RORB: variants seen among roughly 807,000 people sequenced by gnomAD.
The protein encoded by RORB is nuclear receptor ROR-beta.
RORB carries 6 observed loss-of-function variants against 59.1 expected under a neutral mutation model. The ratio of observed to expected loss-of-function variants is 0.10; its 90% confidence interval spans 0.06 to 0.20. RORB has a LOEUF of 0.20. Ranked by LOEUF, RORB falls within the 10% of genes least tolerant of loss-of-function variation. The probability of loss-of-function intolerance (pLI) is 1.00; values close to 1 mark genes in which losing one functional copy is unlikely to be tolerated. For synonymous variants in RORB, 215 were observed against 204.5 expected (o/e 1.05, Z -0.44); for missense variants, 320 against 560.5 (o/e 0.57, Z 4.33).
At chr9:74,504,531 A>G (rs1305333931) in intron 1 of RORB, among the ~76,000 whole-genome samples, 1 of 152,054 alleles carries the variant, frequency 6.6e-6, no homozygotes, top group Non-Finnish European at 1.5e-5. Context: ...AAGCATGTTC[A>G]CCTCTGGGTA....
At chr9:74,529,854 C>A (rs968619882) in intron 1 of RORB, among the ~76,000 whole-genome samples, 3 of 151,674 alleles carry the variant, frequency 2.0e-5, no homozygotes, top group East Asian at 1.9e-4. Context: ...CAGAAATCAC[C>A]GCTGAAGGAC....
At chr9:74,598,414 C>A (rs1484432227) in intron 1 of RORB, among the ~76,000 whole-genome samples, 1 of 152,206 alleles carries the variant, frequency 6.6e-6, no homozygotes, top group Non-Finnish European at 1.5e-5. Context: ...ATAATTGAAT[C>A]TCCTTAAGCT....
intron 1 of RORB, among the ~76,000 whole-genome samples, chr9:74,575,348 A>C (rs752837834): frequency 1.3e-5 from 2 of 152,026 alleles, no homozygotes; most frequent in East Asian, 3.9e-4. Flanking sequence ...AGGGCTTTGC[A>C]TTTGCTTAGC....
intron 1 of RORB, among the ~76,000 whole-genome samples, chr9:74,544,291 C>T (rs1353842075): frequency 1.3e-5 from 2 of 152,164 alleles, no homozygotes; most frequent in African/African-American, 4.8e-5. Context: ...CAAAGTAAAG[C>T]AAGCCCTCTT....
At chr9:74,667,719 A>G (rs1325829748) in intron 7 of RORB, 72 bp from the exon 8 acceptor site, 17 of 896,802 alleles carry the variant, frequency 1.9e-5, no homozygotes, top group Non-Finnish European at 3.2e-5. Context: ...CTTATTGATT[A>G]TGAGATTTTT....
At chr9:74,667,641 CA>C in intron 7 of RORB, 149 bp from the exon 8 acceptor site, 1 of 552,380 alleles carries the variant, frequency 1.8e-6, no homozygotes, top group Non-Finnish European at 3.2e-6. Flanking sequence ...AGTATCAAAT[CA>C]CTTTTTATAA....
intron 4 of RORB, among the ~76,000 whole-genome samples, chr9:74,659,481 C>CTTGTTTTGTT (rs139924184): frequency 3.3e-5 from 5 of 151,860 alleles, no homozygotes; most frequent in East Asian, 3.9e-4. Flanking sequence ...TCACAGCAGG[C>CTTGTTTTGTT]TTGTTTTGTT....
At chr9:74,673,332 A>G (rs530323741) in intron 9 of RORB, among the ~76,000 whole-genome samples, 1 of 152,228 alleles carries the variant, frequency 6.6e-6, no homozygotes, top group African/African-American at 2.4e-5. Context: ...TTGTCCCCAT[A>G]TTTACCATCC....
At position 74,642,810 on chromosome 9, in the gene RORB, A is replaced by T; in HGVS notation, c.632A>T (p.Glu211Val). Residue 211 changes from glutamate to valine, a missense_variant, in exon 4 of 10, where the codon GAA becomes GTA. Around this residue, in one of 4 missense-constraint regions of RORB, gnomAD observed 134 missense variants for 156.2 expected, o/e 0.86. Transcript: ENST00000376896. ...GQLAPGITMT[E>V]IDRIAQNIIK... is the part of the protein sequence containing the mutation. ...TTAGCACCAGGGATAACCATGACTG[A>T]AATCGGTAAGTGGAAGTCTCCTCCC... 6.3e-7 allele frequency: 1 copy of T among 1,585,162 alleles called. No individual in the cohort carries two copies. The highest frequency in any genetic ancestry group is 8.6e-7 in the Non-Finnish European group (1 of 1,161,544).
intron 3 of RORB, among the ~76,000 whole-genome samples, chr9:74,638,090 A>G (rs1212794064): frequency 6.6e-6 from 1 of 152,322 alleles, no homozygotes; most frequent in East Asian, 1.9e-4. Context: ...AAAAGAGTTA[A>G]ATTGAGACCA....
chr9:74,606,405 T>C (rs1043406777), intron 1 of RORB, among the ~76,000 whole-genome samples: 2 of 152,222 alleles, frequency 1.3e-5, no homozygotes, highest in African/African-American at 4.8e-5. Context: ...ATTGTTCATG[T>C]GGTTTTATAT....
chr9:74,598,099 A>G (rs888333580), intron 1 of RORB, among the ~76,000 whole-genome samples: 7 of 152,160 alleles, frequency 4.6e-5, no homozygotes, highest in African/African-American at 9.7e-5. Flanking sequence ...TTTGAATTCC[A>G]TATATATTTT....
chr9:74,638,370 T>C (rs1220065835), intron 3 of RORB, among the ~76,000 whole-genome samples: 1 of 152,226 alleles, frequency 6.6e-6, no homozygotes, highest in East Asian at 1.9e-4. Flanking sequence ...CACATTAAAT[T>C]GTTCTTTAGT....
At chr9:74,503,850 TC>T (rs1825834463) in intron 1 of RORB, among the ~76,000 whole-genome samples, 1 of 152,076 alleles carries the variant, frequency 6.6e-6, no homozygotes, top group Admixed American at 6.6e-5. Flanking sequence ...GTTAACTAGT[TC>T]TTTCATAGCG....
chr9:74,545,534 C>T (rs1826473841), intron 1 of RORB, among the ~76,000 whole-genome samples: 1 of 152,098 alleles, frequency 6.6e-6, no homozygotes, highest in Non-Finnish European at 1.5e-5. Flanking sequence ...TAGGTAATGT[C>T]TAAGAAAAGT....
chr9:74,668,534 G>A (rs576743183), intron 8 of RORB, among the ~76,000 whole-genome samples: 40 of 152,262 alleles, frequency 2.6e-4, no homozygotes, highest in African/African-American at 9.1e-4. Context: ...ACTGTTGACC[G>A]GAAGCCTCGC....
intron 1 of RORB, among the ~76,000 whole-genome samples, chr9:74,596,846 C>G (rs1466242818): frequency 1.3e-5 from 2 of 152,208 alleles, no homozygotes; most frequent in Non-Finnish European, 2.9e-5. Context: ...CTCATTTGCA[C>G]TAGCCACATT....
intron 1 of RORB, among the ~76,000 whole-genome samples, chr9:74,567,153 C>A (rs1018828659): frequency 6.6e-6 from 1 of 151,890 alleles, no homozygotes; most frequent in Non-Finnish European, 1.5e-5. Context: ...AACCTCCCGA[C>A]TACCTGGAAA....
chr9:74,675,772 T>C (rs1824428640), intron 9 of RORB, among the ~76,000 whole-genome samples: 2 of 152,188 alleles, frequency 1.3e-5, no homozygotes, highest in Admixed American at 6.5e-5. Flanking sequence ...ACTTGTGCTT[T>C]GGATGCTGCC....
Sources: gnomAD v4.1 joint callset for allele counts (sites outside exome capture counted in the v4.1 genomes callset) on GRCh38, gnomAD v4.1.1 for gene constraint, gnomAD v4.1.1 regional missense constraint, MANE v1.5 for transcripts, NCBI Gene and HGNC (gene_info 2026-07-23, HGNC 2026-07-21) for gene names.